Variants in POU2F1 observed in about 807,000 individuals in gnomAD.
POU2F1 encodes POU class 2 homeobox 1.
A neutral mutation model predicts 84.9 loss-of-function variants in POU2F1; 16 were observed. That is an observed-to-expected ratio of 0.19 (90% CI 0.13 to 0.29). The LOEUF (loss-of-function observed/expected upper bound fraction) is 0.29. Among genes scored for constraint, POU2F1 ranks in the 10% least tolerant of loss-of-function variants. POU2F1 has a pLI of 1.00. For missense variants in POU2F1, 738 were observed against 942.6 expected, an observed-to-expected ratio of 0.78 and a Z score of 2.84; for synonymous variants, 368 against 368.3, an observed-to-expected ratio of 1.00 and a Z score of 0.01.
At chr1:167,275,566 T>C (rs1652671380) in intron 1 of POU2F1, among the ~76,000 whole-genome samples, 1 of 152,110 alleles carries the variant, frequency 6.6e-6, no homozygotes, top group Admixed American at 6.5e-5. Context: ...TTTTAAAGTG[T>C]TAGTGTTCGC....
At chr1:167,291,278 C>A (rs955738601) in intron 1 of POU2F1, among the ~76,000 whole-genome samples, 1 of 152,150 alleles carries the variant, frequency 6.6e-6, no homozygotes, top group Non-Finnish European at 1.5e-5. Context: ...TCTCTCTGCT[C>A]TAAAACTGTG....
intron 7 of POU2F1, among the ~76,000 whole-genome samples, chr1:167,377,343 T>C (rs182472201): frequency 1.6e-4 from 24 of 152,256 alleles, no homozygotes; most frequent in African/African-American, 5.3e-4. Flanking sequence ...TCCCAGCACT[T>C]TGTGAGGCCG....
intron 2 of POU2F1, among the ~76,000 whole-genome samples, chr1:167,334,092 T>G (rs1320584892): frequency 1.3e-5 from 2 of 151,752 alleles, no homozygotes; most frequent in African/African-American, 4.8e-5. Flanking sequence ...TGTATCTACT[T>G]TAATGCTACT....
At chr1:167,386,810 T>A (rs1648017013) in intron 8 of POU2F1, among the ~76,000 whole-genome samples, 1 of 152,154 alleles carries the variant, frequency 6.6e-6, no homozygotes, top group South Asian at 2.1e-4. Context: ...ACATGGCATT[T>A]TAGAAAAGAC....
At chr1:167,391,683 C>T (rs1648420706) in intron 9 of POU2F1, among the ~76,000 whole-genome samples, 1 of 146,868 alleles carries the variant, frequency 6.8e-6, no homozygotes, top group Admixed American at 6.9e-5. Flanking sequence ...GATTCTCCCA[C>T]TTCTGTCTCC....
chr1:167,225,258 C>T (rs1166608562), intron 1 of POU2F1, among the ~76,000 whole-genome samples: 1 of 152,162 alleles, frequency 6.6e-6, no homozygotes, highest in Admixed American at 6.5e-5. Context: ...CAAACCATTA[C>T]CGTAAAAGCA....
chr1:167,283,833 A>G (rs1277695662), intron 1 of POU2F1, among the ~76,000 whole-genome samples: 1 of 152,208 alleles, frequency 6.6e-6, no homozygotes, highest in Non-Finnish European at 1.5e-5. Flanking sequence ...TGTTATTGCT[A>G]GGAATATCAT....
intron 1 of POU2F1, among the ~76,000 whole-genome samples, chr1:167,282,191 G>A (rs1571223331): frequency 6.6e-6 from 1 of 150,566 alleles, no homozygotes; most frequent in African/African-American, 2.5e-5. Context: ...CGCCCAGGCT[G>A]GAATGCAGTG....
rs186236717 is a variant in POU2F1 at position 167,370,610 on chromosome 1, T to C, written c.282+396T>C. Reference sequence around the variant, plus strand: ...CCTTATAGGGAAGAGGAAAGAACACTGGACTGAGACACAAGGGTCTTAGGT... The same window carrying C: ...CCTTATAGGGAAGAGGAAAGAACACCGGACTGAGACACAAGGGTCTTAGGT... On this transcript the variant is annotated intron_variant, in intron 4 of 15. Transcript: ENST00000367866. 6.8e-4 allele frequency among the ~76,000 whole-genome samples: 104 copies of C among 152,014 alleles called. 1 individual carries two copies. The East Asian group carries it at 0.012, about 18-fold the overall frequency.
intron 1 of POU2F1, 125 bp downstream of exon 1, chr1:167,221,083 G>A (rs1035335729): frequency 1.2e-5 from 11 of 929,826 alleles, no homozygotes; most frequent in Non-Finnish European, 1.6e-5. Context: ...GGGAGATGGG[G>A]GGCCGGGGAG....
chr1:167,323,881 T>C (rs1396287042), intron 1 of POU2F1, among the ~76,000 whole-genome samples: 1 of 151,982 alleles, frequency 6.6e-6, no homozygotes, highest in Non-Finnish European at 1.5e-5. Context: ...TTAGTAGAGA[T>C]AGGGTTTCAC....
intron 1 of POU2F1, chr1:167,329,210 C>A: frequency 6.5e-7 from 1 of 1,535,778 alleles, no homozygotes; most frequent in South Asian, 1.2e-5. Context: ...TACCTTCTTT[C>A]CCCACCCCAA....
rs1435256119 is a variant in POU2F1 at position 167,426,468 on chromosome 1, C to T, written c.*10658C>T. 1 of 152,146 alleles carries T rather than the reference C, an allele frequency of 6.6e-6. No homozygotes were observed. The highest frequency in any genetic ancestry group is 1.5e-5 in the Non-Finnish European group (1 of 68,036). The allele number at this position is 152,146 out of a possible 1,614,324, so 9.4% of individuals were successfully genotyped here. ...TGTACATAATATTCAATAATAATCT[C>T]CCACCAGGTGTCAATTTAGATTGCA... On this transcript the variant is annotated 3_prime_UTR_variant, in exon 16 of 16. Coordinates refer to ENST00000367866, the MANE Select transcript of POU2F1 (RefSeq NM_002697.4).
chr1:167,229,970 T>A (rs1648935200), intron 1 of POU2F1, among the ~76,000 whole-genome samples: 1 of 152,216 alleles, frequency 6.6e-6, no homozygotes, highest in Admixed American at 6.5e-5. Context: ...ATAGCATGAC[T>A]CAACAATTCC....
intron 1 of POU2F1, among the ~76,000 whole-genome samples, chr1:167,224,827 T>TC (rs1429653651): frequency 6.8e-6 from 1 of 146,040 alleles, no homozygotes; most frequent in African/African-American, 2.5e-5. Context: ...ACTGTCTTCT[T>TC]TTTTTTTTTT....
chr1:167,287,890 A>G (rs1277563032), intron 1 of POU2F1, among the ~76,000 whole-genome samples: 2 of 152,234 alleles, frequency 1.3e-5, no homozygotes, highest in East Asian at 3.8e-4. Flanking sequence ...ATCTTAATAG[A>G]GAGTAGAAAA....
At chr1:167,312,554 A>C (rs952782737) in intron 1 of POU2F1, among the ~76,000 whole-genome samples, 2 of 152,122 alleles carry the variant, frequency 1.3e-5, no homozygotes, top group Admixed American at 1.3e-4. Context: ...TTTTTTAATG[A>C]AAAGTTTATA....
At chr1:167,261,393 A>G (rs1443113519) in intron 1 of POU2F1, among the ~76,000 whole-genome samples, 3 of 152,224 alleles carry the variant, frequency 2.0e-5, no homozygotes, top group Admixed American at 6.5e-5. Flanking sequence ...GGATTCTTGC[A>G]TAAGATAATG....
At chr1:167,395,353 G>T (rs1648732094) in intron 9 of POU2F1, among the ~76,000 whole-genome samples, 1 of 152,090 alleles carries the variant, frequency 6.6e-6, no homozygotes, top group African/African-American at 2.4e-5. Flanking sequence ...TTCTATGATG[G>T]TTACAAAAGT....
Sources: allele counts gnomAD v4.1 joint callset (sites outside exome capture counted in the v4.1 genomes callset), GRCh38; gene constraint gnomAD v4.1.1; transcripts MANE v1.5; gene names NCBI Gene and HGNC (gene_info 2026-07-23, HGNC 2026-07-21).